The following RNF212B variants were observed in gnomAD, a reference collection of about 807,000 sequenced individuals.
RNF212B encodes the protein ring finger protein 212B, also known as E3 ubiquitin-protein ligase RNF212B.
Under a neutral mutation model 55.5 loss-of-function variants are expected in RNF212B, and 52 were observed. That is an observed-to-expected ratio of 0.94 (90% CI 0.75 to 1.18). RNF212B has a LOEUF of 1.18. Among genes scored for constraint, RNF212B ranks in the 50% most tolerant of loss-of-function variants. The pLI is 0.00. For missense variants in RNF212B, 289 were observed against 350.4 expected (o/e 0.82, Z 1.40); for synonymous variants, 99 against 121.4 (o/e 0.82, Z 1.21).
intron 1 of RNF212B, chr14:23,185,525 T>G (rs1216783734): frequency 6.6e-6 from 1 of 152,218 alleles, no homozygotes; most frequent in Non-Finnish European, 1.5e-5. Context: ...TAGTTCTAAT[T>G]TATATGATGC....
intron 2 of RNF212B, among the ~76,000 whole-genome samples, chr14:23,226,777 C>G (rs1882066330): frequency 6.9e-6 from 1 of 145,594 alleles, no homozygotes; most frequent in Non-Finnish European, 1.5e-5. Flanking sequence ...CCTCTCCTCT[C>G]TTCTTTTTTT....
chr14:23,239,102 C>T (rs562360434), intron 1 of RNF212B, among the ~76,000 whole-genome samples: 2 of 152,218 alleles, frequency 1.3e-5, no homozygotes, highest in Admixed American at 6.5e-5. Context: ...CTCACTCTGT[C>T]GCCCAGGCTG....
intron 2 of RNF212B, among the ~76,000 whole-genome samples, chr14:23,241,292 G>A (rs1215373013): frequency 6.6e-6 from 1 of 152,186 alleles, no homozygotes; most frequent in Non-Finnish European, 1.5e-5. Context: ...GATTGTTAGA[G>A]TATAAACAGT....
chr14:23,265,531 CTTT>C (rs1302048938), intron 11 of RNF212B, among the ~76,000 whole-genome samples: 1 of 152,162 alleles, frequency 6.6e-6, no homozygotes, highest in Non-Finnish European at 1.5e-5. Context: ...TCCCAAATCT[CTTT>C]TTTTAATTCT....
chr14:23,241,830 TC>T (rs546251604), intron 2 of RNF212B, among the ~76,000 whole-genome samples: 187 of 151,042 alleles, frequency 1.2e-3, no homozygotes, highest in African/African-American at 4.2e-3. Flanking sequence ...ATGCCTGTAA[TC>T]CCAGCACTTT....
intron 2 of RNF212B, among the ~76,000 whole-genome samples, chr14:23,218,179 TAACACGGTGAAACCCCGTC>T (rs113199228): frequency 0.013 from 1,899 of 151,754 alleles, 36 homozygotes; most frequent in African/African-American, 0.042. Context: ...CCCTCTTGGC[TAACACGGTGAAACCCCGTC>T]TCTACTAAAA....
At chr14:23,189,668 G>T (rs538394617) in intron 1 of RNF212B, among the ~76,000 whole-genome samples, 5 of 152,028 alleles carry the variant, frequency 3.3e-5, no homozygotes, top group Admixed American at 3.3e-4. Context: ...AATTAGCTGG[G>T]TGTGGTGGTG....
At chr14:23,192,334 C>T (rs1878191276) in intron 1 of RNF212B, among the ~76,000 whole-genome samples, 2 of 152,180 alleles carry the variant, frequency 1.3e-5, no homozygotes, top group Admixed American at 1.3e-4. Context: ...AGCACATATA[C>T]ACCAAGGAAT....
intron 2 of RNF212B, among the ~76,000 whole-genome samples, chr14:23,206,263 CA>C (rs879661437): frequency 6.6e-6 from 1 of 152,120 alleles, no homozygotes; most frequent in Non-Finnish European, 1.5e-5. Flanking sequence ...TTAGTAGATA[CA>C]GGGTTTCACC....
chr14:23,223,910 A>G (rs1881785881), intron 2 of RNF212B, among the ~76,000 whole-genome samples: 1 of 152,256 alleles, frequency 6.6e-6, no homozygotes, highest in Non-Finnish European at 1.5e-5. Flanking sequence ...ATACAAAATC[A>G]GCATACAAAA....
chr14:23,220,585 G>A (rs1025971998), intron 2 of RNF212B, among the ~76,000 whole-genome samples: 1 of 151,248 alleles, frequency 6.6e-6, no homozygotes, highest in Non-Finnish European at 1.5e-5. Flanking sequence ...CAGCACTTTG[G>A]GAGGCTGAGG....
intron 2 of RNF212B, among the ~76,000 whole-genome samples, chr14:23,232,421 GAGA>G (rs1882725724): frequency 6.6e-6 from 1 of 150,758 alleles, no homozygotes; most frequent in African/African-American, 2.4e-5. Flanking sequence ...CGCCCTGTCT[GAGA>G]AGTGAGGAGC....
chr14:23,263,091 G>GT (rs34260336), intron 9 of RNF212B, 121 bp downstream of exon 9: 249,803 of 666,162 alleles, frequency 0.37, 17,764 homozygotes, highest in East Asian at 0.42. Context: ...TAAAGCTAGG[G>GT]TTTTTTTTTT....
At chr14:23,240,936 G>A (rs1013153918) in intron 2 of RNF212B, among the ~76,000 whole-genome samples, 6 of 152,164 alleles carry the variant, frequency 3.9e-5, no homozygotes, top group African/African-American at 1.4e-4. Context: ...GTAATTATTA[G>A]TAGAATCATT....
chr14:23,265,041 G>C (rs1885586035), intron 11 of RNF212B, among the ~76,000 whole-genome samples: 2 of 152,122 alleles, frequency 1.3e-5, no homozygotes, highest in African/African-American at 2.4e-5. Flanking sequence ...GGCTGATCTC[G>C]AACTCCTGAC....
At chr14:23,259,729 G>A (rs1885160999) in intron 5 of RNF212B, among the ~76,000 whole-genome samples, 155 bp from the exon 6 acceptor site, 1 of 152,014 alleles carries the variant, frequency 6.6e-6, no homozygotes, top group African/African-American at 2.4e-5. Context: ...CCTGCCATTA[G>A]TCTCCTTGAA....
chr14:23,255,052 AG>A (rs1325795344), intron 4 of RNF212B, among the ~76,000 whole-genome samples: 1 of 152,230 alleles, frequency 6.6e-6, no homozygotes, highest in African/African-American at 2.4e-5. Context: ...ATCAGGAGAG[AG>A]AGAGGTAATA....
intron 2 of RNF212B, among the ~76,000 whole-genome samples, chr14:23,241,621 A>G (rs1409469560): frequency 6.6e-6 from 1 of 151,402 alleles, no homozygotes; most frequent in Non-Finnish European, 1.5e-5. Flanking sequence ...ATGGGGTTTC[A>G]CCATGTTGGC....
chr14:23,230,839 C>A (rs1882558714), intron 2 of RNF212B, among the ~76,000 whole-genome samples: 1 of 151,976 alleles, frequency 6.6e-6, no homozygotes, highest in Non-Finnish European at 1.5e-5. Context: ...TGCATATGGA[C>A]ATAGTTTTCC....
Sources: gnomAD v4.1 joint callset for allele counts (sites outside exome capture counted in the v4.1 genomes callset) on GRCh38, gnomAD v4.1.1 for gene constraint, MANE v1.5 for transcripts, NCBI Gene and HGNC (gene_info 2026-07-23, HGNC 2026-07-21) for gene names.